Variants in OSBPL9 observed in about 807,000 individuals in gnomAD.
The protein encoded by OSBPL9 is oxysterol-binding protein-related protein 9.
OSBPL9 carries 40 observed loss-of-function variants against 106.6 expected under a neutral mutation model. The observed-to-expected ratio is 0.38, with a 90% confidence interval of 0.29 to 0.49. OSBPL9 has a LOEUF of 0.49. OSBPL9 is among the 20% of genes least tolerant of loss of function. OSBPL9 has a pLI of 0.97. For missense variants in OSBPL9, 609 were observed against 887.2 expected, an observed-to-expected ratio of 0.69 and a Z score of 3.98; for synonymous variants, 269 against 295.4, an observed-to-expected ratio of 0.91 and a Z score of 0.92.
intron 3 of OSBPL9, among the ~76,000 whole-genome samples, chr1:51,692,603 T>G (rs1306711328): frequency 2.0e-5 from 3 of 151,558 alleles, no homozygotes; most frequent in African/African-American, 4.9e-5. Context: ...TTTCTTCCTT[T>G]TCCTTTCTCT....
chr1:51,529,396 C>G, the OSBPL9 span, among the ~76,000 whole-genome samples: 3 of 152,008 alleles, frequency 2.0e-5, no homozygotes, highest in Non-Finnish European at 4.4e-5. Flanking sequence ...CGCCACCATG[C>G]CTGGCTAATT....
At chr1:51,612,463 C>T (rs1235734366), upstream of OSBPL9, among the ~76,000 whole-genome samples, 1 of 152,212 alleles carries the variant, frequency 6.6e-6, no homozygotes, top group Non-Finnish European at 1.5e-5. Flanking sequence ...TCAGCTGCCA[C>T]ATCATTTCCA....
Position 51,756,330 on chromosome 1 carries a change from A to C in OSBPL9, c.554A>C (p.Asn185Thr). 6.2e-7 allele frequency: 1 copy of C among 1,613,082 alleles called. No individual in the cohort carries two copies. Among genetic ancestry groups the C allele is most frequent in the East Asian group, 2.2e-5 (1 of 44,816 alleles). The change falls in exon 9 of 24, where the codon AAT (asparagine) becomes ACT (threonine). Residue 185 changes from asparagine to threonine, a missense_variant. Coordinates refer to ENST00000428468, the MANE Select transcript of OSBPL9 (RefSeq NM_024586.6). Reference sequence around the variant, plus strand: ...ACATTTTTCCTTAAGGACCAGAGTAATGCGGAGAAGCACGCAGATGGAATG... The same window carrying C: ...ACATTTTTCCTTAAGGACCAGAGTACTGCGGAGAAGCACGCAGATGGAATG... ...VLLQIAKDQS[N>T]AEKHADGMIS...
At chr1:51,753,675 A>G (rs965266313) in intron 8 of OSBPL9, among the ~76,000 whole-genome samples, 1 of 152,220 alleles carries the variant, frequency 6.6e-6, no homozygotes, top group African/African-American at 2.4e-5. Context: ...GCTGATTAGT[A>G]TCAGCTTCTT....
intron 20 of OSBPL9, chr1:51,785,312 A>T (rs1677342468): frequency 6.4e-6 from 1 of 156,122 alleles, no homozygotes; most frequent in Non-Finnish European, 1.4e-5. Flanking sequence ...GTCCAAGTAG[A>T]GGTCTGTTAC....
intron 11 of OSBPL9, among the ~76,000 whole-genome samples, chr1:51,764,308 A>T (rs956169519): frequency 2.7e-5 from 4 of 150,102 alleles, no homozygotes; most frequent in African/African-American, 9.8e-5. Flanking sequence ...TTCTTGATCA[A>T]TTTTTTTTTT....
the OSBPL9 span, among the ~76,000 whole-genome samples, chr1:51,564,760 C>T: frequency 6.6e-6 from 1 of 152,224 alleles, no homozygotes; most frequent in Non-Finnish European, 1.5e-5. Flanking sequence ...ATAGTTGTGA[C>T]AGTGCCCTGT....
chr1:51,672,403 T>C (rs1003424496), intron 3 of OSBPL9, among the ~76,000 whole-genome samples: 3 of 152,182 alleles, frequency 2.0e-5, no homozygotes, highest in African/African-American at 7.2e-5. Flanking sequence ...GGCATTTTAA[T>C]CAGTTTATTT....
At chr1:51,692,668 CTT>C (rs76854917) in intron 3 of OSBPL9, among the ~76,000 whole-genome samples, 2 of 82,582 alleles carry the variant, frequency 2.4e-5, no homozygotes, top group African/African-American at 4.4e-5. Flanking sequence ...TTTCTTTCTT[CTT>C]TTTTTTTTTT....
chr1:51,711,978 A>C (rs1289430059), intron 3 of OSBPL9, among the ~76,000 whole-genome samples: 1 of 149,376 alleles, frequency 6.7e-6, no homozygotes, highest in African/African-American at 2.5e-5. Context: ...ATGGGCGGCC[A>C]GGCAGAGACA....
Position 51,669,677 on chromosome 1 carries a change from T to C in OSBPL9, c.241+165T>C, listed in dbSNP as rs1043969704. ...TGGTACTGCAGGTTAGGCAGGGATT[T>C]GTATCTGCAATGGATGTAGATCGAT... is the stretch of plus-strand genomic sequence containing the variant. On this transcript the variant is annotated intron_variant, in intron 3 of 23. Coordinates refer to ENST00000428468, the MANE Select transcript of OSBPL9 (RefSeq NM_024586.6). The C allele has an allele frequency of 4.5e-5, 32 of 710,042 alleles. 1 individual carries two copies. In the Admixed American group the frequency reaches 5.5e-4, roughly 12 times the overall value. The allele number at this position is 710,042 out of a possible 1,614,324, so 44.0% of individuals were successfully genotyped here.
the OSBPL9 span, among the ~76,000 whole-genome samples, chr1:51,541,462 C>T: frequency 2.6e-5 from 4 of 152,218 alleles, no homozygotes; most frequent in Non-Finnish European, 5.9e-5. Flanking sequence ...TTTATTGCTG[C>T]TAATTGCCTC....
At chr1:51,571,493 T>C in the OSBPL9 span, among the ~76,000 whole-genome samples, 1 of 152,074 alleles carries the variant, frequency 6.6e-6, no homozygotes, top group East Asian at 1.9e-4. Context: ...TAATGAGACC[T>C]TGTCTTTGCA....
chr1:51,652,057 T>C lies in OSBPL9; in HGVS notation c.162+16T>C. 2 of 1,576,286 alleles carry C rather than the reference T, an allele frequency of 1.3e-6. No homozygotes were observed. The highest frequency in any genetic ancestry group is 1.7e-6 in the Non-Finnish European group (2 of 1,157,776). ...TAGACTCAGAGTGAGTATTTATTCA[T>C]TTTTATGAAAATCAATTTTGACAGA... On this transcript the variant is annotated intron_variant, in intron 2 of 23. Transcript: ENST00000428468.
At chr1:51,757,305 C>A (rs996455596) in intron 9 of OSBPL9, among the ~76,000 whole-genome samples, 5 of 152,002 alleles carry the variant, frequency 3.3e-5, no homozygotes, top group African/African-American at 1.2e-4. Flanking sequence ...TTTGTCAGTT[C>A]AAAGTATGAT....
At chr1:51,673,890 T>G (rs1047594311) in intron 3 of OSBPL9, among the ~76,000 whole-genome samples, 3 of 105,818 alleles carry the variant, frequency 2.8e-5, no homozygotes, top group Admixed American at 8.9e-5. Context: ...CTAAAAAAGT[T>G]TTTTTTTTTT....
chr1:51,685,534 A>G (rs1166716971), intron 3 of OSBPL9, among the ~76,000 whole-genome samples: 2 of 151,984 alleles, frequency 1.3e-5, no homozygotes, highest in Non-Finnish European at 2.9e-5. Context: ...TAGCCTCCCA[A>G]GTAGCTGGGA....
chr1:51,738,346 ATTTATTTTTT>A (rs1214676729), intron 4 of OSBPL9, among the ~76,000 whole-genome samples: 3 of 152,074 alleles, frequency 2.0e-5, no homozygotes, highest in Non-Finnish European at 4.4e-5. Context: ...GCTGTACCAG[ATTTATTTTTT>A]AGCAGAAACT....
intron 3 of OSBPL9, among the ~76,000 whole-genome samples, chr1:51,674,212 C>A (rs1265277137): frequency 6.6e-6 from 1 of 151,856 alleles, no homozygotes; most frequent in Non-Finnish European, 1.5e-5. Context: ...AAAAAATTAG[C>A]CTGCACCACC....
Sources: gnomAD v4.1 joint callset for allele counts (sites outside exome capture counted in the v4.1 genomes callset) on GRCh38, gnomAD v4.1.1 for gene constraint, MANE v1.5 for transcripts, NCBI Gene and HGNC (gene_info 2026-07-23, HGNC 2026-07-21) for gene names.